Variants in CLCN2 observed in about 807,000 individuals in gnomAD.
CLCN2 encodes chloride voltage-gated channel 2, also known as chloride channel protein 2.
Under a neutral mutation model 108.3 loss-of-function variants are expected in CLCN2, and 72 were observed. That is an observed-to-expected ratio of 0.66 (90% CI 0.55 to 0.81). The LOEUF (loss-of-function observed/expected upper bound fraction) is 0.81, where lower values mean the gene tolerates loss of function less well. CLCN2 is among the 30% of genes least tolerant of loss of function. The pLI, the probability that CLCN2 is intolerant of heterozygous loss-of-function variation, is 0.00. For missense variants in CLCN2, 1,048 were observed against 1,205.2 expected (o/e 0.87, Z 1.93); for synonymous variants, 471 against 467.1 (o/e 1.01, Z -0.11).
Position 184,353,050 on chromosome 3 carries a change from A to C in CLCN2, c.2126T>G (p.Leu709Arg). The change falls in exon 18 of 24, where the codon CTC (leucine) becomes CGC (arginine). Residue 709 changes from leucine to arginine, a missense_variant. Transcript: ENST00000265593. ...GGGCTTACCTGTGGGACTCTCTCCG[A>C]GGTTCCTGGTGACACTGGGCCCCCT... ...LKRGPSVTRNLGESPTGSAES... is the reference protein window; with the variant it reads ...LKRGPSVTRNRGESPTGSAES... 6.2e-7 allele frequency: 1 copy of C among 1,614,060 alleles called. No individual in the cohort carries two copies. Among genetic ancestry groups the C allele is most frequent in the Admixed American group, 1.7e-5 (1 of 60,024 alleles).
In CLCN2 at chr3:184,355,819, G is replaced by A; in HGVS notation, c.1086-41C>T. The A allele has an allele frequency of 6.4e-7, 1 of 1,552,430 alleles. No homozygotes were observed. Among genetic ancestry groups the A allele is most frequent in the Non-Finnish European group, 8.9e-7 (1 of 1,126,230 alleles). On this transcript the variant is annotated intron_variant, in intron 10 of 23. Transcript: ENST00000265593. The surrounding 1 kb of genome is among the most constrained non-coding windows in gnomAD (Gnocchi z 6.3). ...TCACATCAGTCGTGGGTGGCCAAGG[G>A]CTGGGTGGCCTCGCATATCTCAGGG... is the stretch of plus-strand genomic sequence containing the variant.
At position 184,354,271 on chromosome 3, in the gene CLCN2, C is replaced by G. The variant is rs778982521; in HGVS notation, c.1551G>C (p.Thr517=). The stretch of plus-strand genomic sequence containing the variant: ...CTGTGAGCTCGAACACGATCACAGC[C>G]GTGGACACTGTGTGTGTCACCGCTC... ...LAGAVTHTVS[T]AVIVFELTGQ... The change falls in exon 15 of 24, where the codon ACG becomes ACC. Residue 517 remains threonine, a synonymous_variant. Coordinates refer to ENST00000265593, the MANE Select transcript of CLCN2 (RefSeq NM_004366.6). 6.2e-7 allele frequency: 1 copy of G among 1,613,020 alleles called. No homozygotes were observed. Among genetic ancestry groups the G allele is most frequent in the Admixed American group, 1.7e-5 (1 of 60,002 alleles).
intron 3 of CLCN2, 83 bp downstream of exon 3, chr3:184,358,599 C>T (rs1329099340): frequency 8.5e-6 from 13 of 1,527,402 alleles, no homozygotes; most frequent in East Asian, 7.3e-5. Flanking sequence ...GAAGCCAAGA[C>T]GCCTTCCTCC....
In CLCN2 at chr3:184,358,029, T is replaced by C; in HGVS notation, c.548A>G (p.Lys183Arg). Residue 183 changes from lysine (K) to arginine (R), a missense_variant, in exon 5 of 24, where the codon AAG (lysine) becomes AGG (arginine). By Grantham distance (26) the Lys-to-Arg change is conservative (BLOSUM62 2). Transcript: ENST00000265593. ...CCCAATGACCTTAGCTATAAAGGTC[T>C]TGAGTGTGAGGTATTCTTTCAGCAC... ...GVVLKEYLTLKTFIAKVIGLT... is the reference protein window; with the variant it reads ...GVVLKEYLTLRTFIAKVIGLT... The C allele has an allele frequency of 4.3e-6, 7 of 1,614,072 alleles. No homozygotes were observed. Among genetic ancestry groups the C allele is most frequent in the Non-Finnish European group, 5.9e-6 (7 of 1,180,032 alleles).
chr3:184,357,629 G>C lies in CLCN2; in HGVS notation c.763C>G (p.Pro255Ala). The C allele has an allele frequency of 6.2e-7, 1 of 1,613,948 alleles. No homozygotes were observed. Among genetic ancestry groups the C allele is most frequent in the Non-Finnish European group, 8.5e-7 (1 of 1,180,024 alleles). The change falls in exon 7 of 24, where the codon CCT becomes GCT. Residue 255 changes from proline to alanine, a missense_variant. Transcript: ENST00000265593. ...AVGVGCCFAAPIGGVLFSIEV... is the reference protein window; with the variant it reads ...AVGVGCCFAAAIGGVLFSIEV... ...TAGGAGCCCTGCCTACCTCCAATAG[G>C]TGCCGCGAAGCAGCAGCCCACCCCC...
intron 15 of CLCN2, 128 bp downstream of exon 15, chr3:184,353,973 A>T: frequency 7.4e-7 from 1 of 1,343,770 alleles, no homozygotes; most frequent in Non-Finnish European, 1.0e-6. Flanking sequence ...GCCCCTCCAG[A>T]GTGTGGACGA....
chr3:184,347,316 G>C, intron 22 of CLCN2: 1 of 462,430 alleles, frequency 2.2e-6, no homozygotes, highest in Non-Finnish European at 4.0e-6. Flanking sequence ...ACGTGGGACA[G>C]AACAACTGTT....
intron 22 of CLCN2, chr3:184,349,665 C>T (rs1655688516): frequency 6.6e-6 from 1 of 151,964 alleles, no homozygotes; most frequent in South Asian, 2.1e-4. Context: ...TGTGCTAGGC[C>T]CTATTGTAAG....
intron 19 of CLCN2, 116 bp from the exon 20 acceptor site, chr3:184,352,612 A>T: frequency 6.9e-7 from 1 of 1,450,706 alleles, no homozygotes; most frequent in Non-Finnish European, 9.6e-7. Context: ...ACCTGAGCTG[A>T]CAGCAGGGAG....
In CLCN2 at chr3:184,352,801, T is replaced by G. The variant is rs778408210; in HGVS notation, c.2153A>C (p.Glu718Ala). The G allele has an allele frequency of 5.6e-6, 9 of 1,613,232 alleles. No individual in the cohort carries two copies. In the South Asian group the frequency reaches 9.9e-5, roughly 18 times the overall value. The change falls in exon 19 of 24, where the codon GAG (glutamate) becomes GCG (alanine). Residue 718 changes from glutamate to alanine, a missense_variant. Glu to Ala is a moderately radical substitution (Grantham distance 107). Coordinates refer to ENST00000265593, the MANE Select transcript of CLCN2 (RefSeq NM_004366.6). ...GCTCCGGAGGGCGATGCCTGCCGAC[T>G]CTGCGCTCCCTGTGTTCCCAAACAT... ...NLGESPTGSA[E>A]SAGIALRSLF...
At chr3:184,359,974 T>A (rs1332222264) in intron 1 of CLCN2, among the ~76,000 whole-genome samples, 1 of 82,080 alleles carries the variant, frequency 1.2e-5, no homozygotes, top group African/African-American at 4.8e-5. Context: ...AGGGCTCCTG[T>A]TGGGGCTGGG....
In CLCN2 at chr3:184,355,477, C is replaced by G. The variant is rs770808807; in HGVS notation, c.1223G>C (p.Arg408Pro). ...TTCTAGCTCCTCCACCAGGCCCTGGCGGACCCACGTCCGATTGTCAAACAG... is the reference window on the plus strand; with the variant it reads ...TTCTAGCTCCTCCACCAGGCCCTGGGGGACCCACGTCCGATTGTCAAACAG... The part of the protein sequence containing the change: ...VTLFDNRTWV[R>P]QGLVEELEPP... The change falls in exon 12 of 24, where the codon CGC (arginine) becomes CCC (proline). Residue 408 changes from arginine (R) to proline (P), a missense_variant. Physicochemically the swap from Arg to Pro is moderately radical, Grantham distance 103. Coordinates refer to ENST00000265593, the MANE Select transcript of CLCN2 (RefSeq NM_004366.6). This position sits in a 1 kb window ranked among gnomAD's most constrained non-coding sequence, Gnocchi z 6.3. 1.9e-6 allele frequency: 3 copies of G among 1,614,002 alleles called. No homozygotes were observed. The highest frequency in any genetic ancestry group is 1.7e-6 in the Non-Finnish European group (2 of 1,179,956).
In CLCN2 at chr3:184,352,751, CAG is replaced by C. The variant is rs767270287; in HGVS notation, c.2201_2202del (p.Pro734ArgfsTer11). ...LRSLFCGSPP[P>X]EAASEKLESC... ...CAGCCACTCACCTCCGAAGCAGCCT[CAG>C]GGGGTGGACTGCCACAGAAGAGGCT... On this transcript the variant is annotated frameshift_variant, in exon 19 of 24. Coordinates refer to ENST00000265593, the MANE Select transcript of CLCN2 (RefSeq NM_004366.6). LOFTEE classifies it high-confidence loss of function. The C allele has an allele frequency of 9.3e-6, 15 of 1,613,044 alleles. No homozygotes were observed. Among genetic ancestry groups the C allele is most frequent in the East Asian group, 4.5e-5 (2 of 44,882 alleles).
At position 184,355,373 on chromosome 3, in the gene CLCN2, C is replaced by T; in HGVS notation, c.1326+1G>A. The T allele has an allele frequency of 6.2e-7, 1 of 1,613,716 alleles. No homozygotes were observed. The highest frequency in any genetic ancestry group is 8.5e-7 in the Non-Finnish European group (1 of 1,179,964). ...TAGCAGTGTACACGTGAGGAGCCCACCTTCATGAGAATGAAGATGACCAGG... is the reference window on the plus strand; with the variant it reads ...TAGCAGTGTACACGTGAGGAGCCCATCTTCATGAGAATGAAGATGACCAGG... On this transcript the variant is annotated splice_donor_variant, in intron 12 of 23. Transcript: ENST00000265593. LOFTEE classifies it high-confidence loss of function. The surrounding 1 kb of genome is among the most constrained non-coding windows in gnomAD (Gnocchi z 6.3).
Position 184,355,519 on chromosome 3 carries a change from T to G in CLCN2, c.1181A>C (p.Lys394Thr), listed in dbSNP as rs1367424285. Residue 394 changes from lysine to threonine, a missense_variant, in exon 12 of 24, where the codon AAA (lysine) becomes ACA (threonine). Transcript: ENST00000265593. The surrounding 1 kb of genome is among the most constrained non-coding windows in gnomAD (Gnocchi z 6.3). Reference sequence around the variant, plus strand: ...GTCAAACAGGGTGACCAGCGTCTCTTTCTGTGAGAGCTAGAGTGAACAGGG... The same window carrying G: ...GTCAAACAGGGTGACCAGCGTCTCTGTCTGTGAGAGCTAGAGTGAACAGGG... The part of the protein sequence containing the change: ...GQFMAGQLSQ[K>T]ETLVTLFDNR... 1.2e-6 allele frequency: 2 copies of G among 1,613,908 alleles called. No homozygotes were observed. The highest frequency in any genetic ancestry group is 2.7e-5 in the African/African-American group (2 of 74,876).
chr3:184,357,714 G>C lies in CLCN2; in HGVS notation c.694-16C>G. ...GGGATTCATTCTGGCGAGAGTGGTG[G>C]CAAGAGGGGGTCAGCTGTGGGCTCA... On this transcript the variant is annotated splice_polypyrimidine_tract_variant and intron_variant, in intron 6 of 23. Coordinates refer to ENST00000265593, the MANE Select transcript of CLCN2 (RefSeq NM_004366.6). 1.2e-6 allele frequency: 2 copies of C among 1,614,042 alleles called. 1 individual carries two copies. Among genetic ancestry groups the C allele is most frequent in the Admixed American group, 3.3e-5 (2 of 60,034 alleles).
At chr3:184,353,003 G>T in intron 18 of CLCN2, 30 bp downstream of exon 18, 1 of 1,594,868 alleles carries the variant, frequency 6.3e-7, no homozygotes, top group Non-Finnish European at 8.6e-7. Flanking sequence ...CTTGGCTGAG[G>T]CTCTGTGGAC....
In CLCN2 at chr3:184,352,350, G is replaced by A. The variant is rs1418655212; in HGVS notation, c.2272-19C>T. 1.2e-6 allele frequency: 2 copies of A among 1,613,816 alleles called. No individual in the cohort carries two copies. Among genetic ancestry groups the A allele is most frequent in the South Asian group, 1.1e-5 (1 of 91,078 alleles). Reference sequence around the variant, plus strand: ...CGTCACTCTAGTAGAGAGGGAGGGAGGCTGGCAGCTAGGGGCTCTGGAGTT... The same window carrying A: ...CGTCACTCTAGTAGAGAGGGAGGGAAGCTGGCAGCTAGGGGCTCTGGAGTT... On this transcript the variant is annotated intron_variant, in intron 20 of 23. Transcript: ENST00000265593.
chr3:184,355,663 A>T lies in CLCN2; in HGVS notation c.1170+31T>A. The T allele has an allele frequency of 6.2e-7, 1 of 1,609,084 alleles. No individual in the cohort carries two copies. The highest frequency in any genetic ancestry group is 1.7e-5 in the Admixed American group (1 of 60,020). On this transcript the variant is annotated intron_variant, in intron 11 of 23. Coordinates refer to ENST00000265593, the MANE Select transcript of CLCN2 (RefSeq NM_004366.6). The surrounding 1 kb of genome is among the most constrained non-coding windows in gnomAD (Gnocchi z 6.3). ...TTTGGAGGAATGCCTTCCAAGGGAA[A>T]GCACAAAACTCCTGTTCTGCCTGTG...
Sources: gnomAD v4.1 joint callset for allele counts (sites outside exome capture counted in the v4.1 genomes callset) on GRCh38, gnomAD v4.1.1 for gene constraint, Gnocchi (gnomAD v3.1) non-coding constraint, MANE v1.5 for transcripts, NCBI Gene and HGNC (gene_info 2026-07-23, HGNC 2026-07-21) for gene names.